Variants in GPM6B observed in about 807,000 individuals in gnomAD.
GPM6B encodes neuronal membrane glycoprotein M6-b.
Under a neutral mutation model 27.2 loss-of-function variants are expected in GPM6B, and 4 were observed. That is an observed-to-expected ratio of 0.15 (90% CI 0.07 to 0.34). GPM6B has a LOEUF of 0.34. Among genes scored for constraint, GPM6B ranks in the 10% least tolerant of loss-of-function variants. GPM6B has a pLI of 1.00. For synonymous variants in GPM6B, 124 were observed against 103.1 expected (o/e 1.20, Z -1.23); for missense variants, 183 against 261.9 (o/e 0.70, Z 2.08).
At chrX:13,887,768 T>C in intron 1 of GPM6B, among the ~76,000 whole-genome samples, 1 of 111,789 alleles carries the variant, frequency 8.9e-6, no homozygotes, top group Middle Eastern at 4.6e-3. Flanking sequence ...TCATAGTCTC[T>C]CACTAGGCTG....
intron 1 of GPM6B, among the ~76,000 whole-genome samples, chrX:13,849,630 A>G (rs2049690812): frequency 8.9e-6 from 1 of 112,520 alleles, no homozygotes; most frequent in African/African-American, 3.2e-5. Context: ...TAAAGTCATC[A>G]GCACAAGAAA....
At chrX:13,787,485 G>A (rs967507510) in intron 2 of GPM6B, among the ~76,000 whole-genome samples, 2 of 111,832 alleles carry the variant, frequency 1.8e-5, no homozygotes, top group African/African-American at 6.5e-5. Context: ...GAACCCAGGA[G>A]GAAGAGGTTG....
chrX:13,870,115 G>A (rs943517253), intron 1 of GPM6B, among the ~76,000 whole-genome samples: 1 of 112,000 alleles, frequency 8.9e-6, no homozygotes, highest in African/African-American at 3.2e-5. Context: ...TCACTTGGAA[G>A]GAAACCAGAG....
At chrX:13,784,497 G>C (rs2048573541) in intron 3 of GPM6B, among the ~76,000 whole-genome samples, 1 of 111,981 alleles carries the variant, frequency 8.9e-6, no homozygotes, top group East Asian at 2.8e-4. Flanking sequence ...GGACTGAAGA[G>C]TCTCCAACAT....
At chrX:13,817,231 G>T, upstream of GPM6B, 1 of 847,903 alleles carries the variant, frequency 1.2e-6, no homozygotes, top group Non-Finnish European at 1.4e-6. Flanking sequence ...GGGGTAGGGG[G>T]GTGGGGGAGA....
chrX:13,785,560 T>C, intron 3 of GPM6B, 62 bp downstream of exon 3: 1 of 1,071,760 alleles, frequency 9.3e-7, no homozygotes, highest in African/African-American at 1.8e-5. Flanking sequence ...ATTGCTGGGA[T>C]GACAGGCATG....
chrX:13,849,275 G>A (rs1372985508), intron 1 of GPM6B, among the ~76,000 whole-genome samples: 1 of 112,766 alleles, frequency 8.9e-6, no homozygotes, highest in Admixed American at 9.3e-5. Flanking sequence ...TTCAAAAGTA[G>A]GCTGACGCCA....
chrX:13,926,653 G>T (rs1921228594), intron 1 of GPM6B, among the ~76,000 whole-genome samples: 1 of 111,794 alleles, frequency 8.9e-6, no homozygotes, highest in South Asian at 3.7e-4. Flanking sequence ...GATATTATCG[G>T]GAGGAAAGAG....
Position 13,784,692 on chromosome X carries a change from C to CA in GPM6B, c.368+929dup, listed in dbSNP as rs769891107. ...AATAAGTAGATTGCTGCTGAGCTTG[C>CA]ACAGCTACAAGAATCTATGTGTGGG... On this transcript the variant is annotated intron_variant, in intron 3 of 7. Coordinates refer to ENST00000316715, the MANE Select transcript of GPM6B (RefSeq NM_001001995.3). 3.7e-4 allele frequency among the ~76,000 whole-genome samples: 41 copies of CA among 111,867 alleles called. No individual in the cohort carries two copies. In the South Asian group the frequency reaches 0.015, roughly 40 times the overall value.
chrX:13,916,663 ATGTGTGTGTGTGTGTGTG>A (rs55844856), intron 1 of GPM6B, among the ~76,000 whole-genome samples: 25 of 90,156 alleles, frequency 2.8e-4, no homozygotes, highest in Non-Finnish European at 4.2e-4. Context: ...TAGTTTATTA[ATGTGTGTGTGTGTGTGTG>A]TGTGTGTGTG....
At chrX:13,790,901 G>A (rs890165891) in intron 2 of GPM6B, among the ~76,000 whole-genome samples, 1 of 112,021 alleles carries the variant, frequency 8.9e-6, no homozygotes, top group East Asian at 2.8e-4. Context: ...AGTGCTGGGA[G>A]TGCCTGTGCA....
chrX:13,873,973 AAC>A (rs1045327708), intron 1 of GPM6B, among the ~76,000 whole-genome samples: 45 of 112,251 alleles, frequency 4.0e-4, no homozygotes, highest in Middle Eastern at 4.6e-3. Context: ...ATGGCAAAAA[AAC>A]AGTCATCTTT....
chrX:13,878,036 A>G (rs1490015055), intron 1 of GPM6B, among the ~76,000 whole-genome samples: 1 of 109,911 alleles, frequency 9.1e-6, no homozygotes, highest in Non-Finnish European at 1.9e-5. Flanking sequence ...TTCAAATTTC[A>G]ACAATTATCC....
chrX:13,870,628 G>A (rs1291387258), intron 1 of GPM6B, among the ~76,000 whole-genome samples: 1 of 112,543 alleles, frequency 8.9e-6, no homozygotes, highest in African/African-American at 3.2e-5. Context: ...CCCTAACACT[G>A]CTTCAGGGAG....
At chrX:13,851,150 G>A (rs757927384) in intron 1 of GPM6B, among the ~76,000 whole-genome samples, 42 of 85,901 alleles carry the variant, frequency 4.9e-4, no homozygotes, top group African/African-American at 1.5e-3. Context: ...GCAACAGAGC[G>A]AGACTCCATC....
chrX:13,892,208 G>A (rs973937864), intron 1 of GPM6B, among the ~76,000 whole-genome samples: 5 of 111,500 alleles, frequency 4.5e-5, no homozygotes, highest in Admixed American at 9.5e-5. Context: ...AAACAATAGC[G>A]GTTGTCCACG....
intron 1 of GPM6B, among the ~76,000 whole-genome samples, chrX:13,809,550 C>A (rs753385551): frequency 7.2e-5 from 8 of 110,848 alleles, no homozygotes; most frequent in Non-Finnish European, 1.1e-4. Context: ...CCAAGGCGGG[C>A]GGATCACTTG....
At chrX:13,871,287 C>G (rs2049975862) in intron 1 of GPM6B, among the ~76,000 whole-genome samples, 1 of 111,185 alleles carries the variant, frequency 9.0e-6, no homozygotes, top group African/African-American at 3.3e-5. Flanking sequence ...TCTTCTTAAC[C>G]CTAAATCTTT....
At chrX:13,807,920 T>C (rs1050012878) in intron 1 of GPM6B, 151 bp from the exon 2 acceptor site, 3 of 430,668 alleles carry the variant, frequency 7.0e-6, no homozygotes, top group African/African-American at 2.4e-5. Flanking sequence ...GCATGATCCA[T>C]TGAGAATGTC....
Sources: gnomAD v4.1 joint callset for allele counts (sites outside exome capture counted in the v4.1 genomes callset) on GRCh38, gnomAD v4.1.1 for gene constraint, MANE v1.5 for transcripts, NCBI Gene and HGNC (gene_info 2026-07-23, HGNC 2026-07-21) for gene names.